PAK3: variants seen among roughly 807,000 people sequenced by gnomAD.
PAK3 encodes the protein p21 (RAC1) activated kinase 3, also known as serine/threonine-protein kinase PAK 3.
A neutral mutation model predicts 41.0 loss-of-function variants in PAK3; 4 were observed. That is an observed-to-expected ratio of 0.10 (90% confidence interval 0.05 to 0.22). The LOEUF is 0.22. Among genes scored for constraint, PAK3 ranks in the 10% least tolerant of loss-of-function variants. The pLI, the probability that PAK3 is intolerant of heterozygous loss-of-function variation, is 1.00. For synonymous variants in PAK3, 146 were observed against 139.6 expected (o/e 1.05, Z -0.32); for missense variants, 205 against 409.9 (o/e 0.50, Z 4.32).
chrX:111,045,176 A>C (rs1413251226), intron 1 of PAK3, among the ~76,000 whole-genome samples: 1 of 112,090 alleles, frequency 8.9e-6, no homozygotes, highest in Non-Finnish European at 1.9e-5. Flanking sequence ...CTGTCTGGAA[A>C]GATGCCAATA....
intron 1 of PAK3, among the ~76,000 whole-genome samples, chrX:110,974,855 A>G (rs2091294131): frequency 8.9e-6 from 1 of 111,851 alleles, no homozygotes; most frequent in Non-Finnish European, 1.9e-5. Flanking sequence ...ACCAACAACA[A>G]AAACCACATG....
chrX:111,209,936 G>C, intron 16 of PAK3, among the ~76,000 whole-genome samples: 1 of 111,951 alleles, frequency 8.9e-6, no homozygotes, highest in South Asian at 3.7e-4. Flanking sequence ...ATAGTAAATT[G>C]AATTATCCCT....
intron 11 of PAK3, among the ~76,000 whole-genome samples, chrX:111,179,372 G>A (rs968308634): frequency 1.8e-5 from 2 of 110,458 alleles, no homozygotes; most frequent in African/African-American, 3.3e-5. Flanking sequence ...TCCTGTAGGT[G>A]TATATTTAGG....
chrX:111,065,317 G>GTTTTTTTTTTT (rs56710729), intron 1 of PAK3, among the ~76,000 whole-genome samples: 6 of 102,268 alleles, frequency 5.9e-5, no homozygotes, highest in Non-Finnish European at 9.9e-5. Flanking sequence ...AGATGATCAC[G>GTTTTTTTTTTT]TTTTTTTTTT....
chrX:111,104,974 C>G (rs190494873), intron 4 of PAK3, among the ~76,000 whole-genome samples: 1 of 111,116 alleles, frequency 9.0e-6, no homozygotes, highest in Non-Finnish European at 1.9e-5. Flanking sequence ...TTAGTTCATG[C>G]ACATACACAT....
chrX:111,121,125 A>G (rs1368174535), intron 4 of PAK3, among the ~76,000 whole-genome samples: 2 of 112,458 alleles, frequency 1.8e-5, no homozygotes, highest in Non-Finnish European at 3.8e-5. Flanking sequence ...CCTTGACATC[A>G]CAATTACTTT....
intron 1 of PAK3, among the ~76,000 whole-genome samples, chrX:111,041,523 A>T (rs1003700853): frequency 3.9e-4 from 44 of 111,800 alleles, no homozygotes; most frequent in African/African-American, 1.4e-3. Flanking sequence ...GTATCTATAG[A>T]TCAAGTGCAA....
At chrX:111,117,297 G>A (rs1004349110) in intron 4 of PAK3, among the ~76,000 whole-genome samples, 4 of 111,861 alleles carry the variant, frequency 3.6e-5, no homozygotes, top group South Asian at 3.8e-4. Context: ...TTGGATATGC[G>A]TTGTATTGGT....
At chrX:111,146,538 A>G in intron 6 of PAK3, 1 of 1,153,868 alleles carries the variant, frequency 8.7e-7, no homozygotes, top group Non-Finnish European at 1.2e-6. Flanking sequence ...TCTATGGCTC[A>G]CAGATGTGCC....
chrX:111,028,027 G>GTGTATATATATATACATACATATA (rs57456281), intron 1 of PAK3, among the ~76,000 whole-genome samples: 1 of 97,885 alleles, frequency 1.0e-5, no homozygotes, highest in Non-Finnish European at 2.0e-5. Context: ...ACATATATAT[G>GTGTATATATATATACATACATATA]TGTGTATATA....
intron 11 of PAK3, among the ~76,000 whole-genome samples, chrX:111,178,580 A>G (rs2094431086): frequency 9.0e-6 from 1 of 111,580 alleles, no homozygotes; most frequent in African/African-American, 3.3e-5. Flanking sequence ...TTAATTGCTC[A>G]GTAAATGCTA....
chrX:111,049,238 C>T (rs1463172284), intron 1 of PAK3, among the ~76,000 whole-genome samples: 1 of 112,095 alleles, frequency 8.9e-6, no homozygotes, highest in African/African-American at 3.2e-5. Context: ...AAAGTAGCCT[C>T]CCTTCCTTGC....
intron 1 of PAK3, among the ~76,000 whole-genome samples, chrX:110,993,502 C>A (rs946886603): frequency 4.5e-5 from 5 of 111,733 alleles, no homozygotes; most frequent in Non-Finnish European, 9.4e-5. Flanking sequence ...TTTTCTGTAT[C>A]ACCTAAGTTA....
At chrX:110,973,567 C>T (rs1292250148) in intron 1 of PAK3, among the ~76,000 whole-genome samples, 1 of 111,927 alleles carries the variant, frequency 8.9e-6, no homozygotes, top group East Asian at 2.8e-4. Context: ...GAAGGAAGCA[C>T]TAAACATGGA....
intron 1 of PAK3, among the ~76,000 whole-genome samples, chrX:111,082,572 G>A (rs1040578308): frequency 1.7e-4 from 19 of 111,307 alleles, no homozygotes; most frequent in African/African-American, 5.9e-4. Flanking sequence ...AGTTCTCATT[G>A]GGCTTAGTTG....
intron 11 of PAK3, among the ~76,000 whole-genome samples, chrX:111,182,242 T>G (rs2094469729): frequency 9.0e-6 from 1 of 111,012 alleles, no homozygotes. Context: ...CCGAGAGTTA[T>G]CTGGCCTTTC....
At chrX:111,039,635 C>A (rs1345104088) in intron 1 of PAK3, among the ~76,000 whole-genome samples, 1 of 111,376 alleles carries the variant, frequency 9.0e-6, no homozygotes, top group Non-Finnish European at 1.9e-5. Context: ...TTTAATAGAC[C>A]ATGTAGACAA....
chrX:111,064,209 T>C (rs999315134), intron 1 of PAK3, among the ~76,000 whole-genome samples: 6 of 112,420 alleles, frequency 5.3e-5, no homozygotes, highest in Admixed American at 2.8e-4. Context: ...AGGATGATAC[T>C]GCGAATCATA....
At chrX:111,190,784 G>T (rs2094553806) in intron 11 of PAK3, among the ~76,000 whole-genome samples, 1 of 112,104 alleles carries the variant, frequency 8.9e-6, no homozygotes, top group African/African-American at 3.2e-5. Flanking sequence ...AAACAGCAAG[G>T]ATGAAATAAA....
Sources: allele counts gnomAD v4.1 joint callset (sites outside exome capture counted in the v4.1 genomes callset), GRCh38; gene constraint gnomAD v4.1.1; transcripts MANE v1.5; gene names NCBI Gene and HGNC (gene_info 2026-07-23, HGNC 2026-07-21).